The following PTPRT variants were observed in gnomAD, a reference collection of about 807,000 sequenced individuals.
PTPRT encodes receptor-type tyrosine-protein phosphatase T.
Under a neutral mutation model 176.8 loss-of-function variants are expected in PTPRT, and 56 were observed. The observed-to-expected ratio is 0.32, with a 90% CI of 0.26 to 0.40. The LOEUF (loss-of-function observed/expected upper bound fraction) is 0.40, where lower values mean the gene tolerates loss of function less well. PTPRT is among the 10% of genes least tolerant of loss of function. The pLI is 1.00. For synonymous variants in PTPRT, 783 were observed against 739.0 expected, an observed-to-expected ratio of 1.06 and a Z score of -0.96; for missense variants, 1,540 against 1,908.2, an observed-to-expected ratio of 0.81 and a Z score of 3.60.
rs2014229531 is a variant in PTPRT, at chr20:43,148,119, T to C, written c.88+41527A>G. Reference sequence around the variant, plus strand: ...ATTTCCATACCCTGGGCTGGTTGGGTGGGGGGATCTGCCTCCATGTTTAAC... The same window carrying C: ...ATTTCCATACCCTGGGCTGGTTGGGCGGGGGGATCTGCCTCCATGTTTAAC... On this transcript the variant is annotated intron_variant, in intron 1 of 30. Coordinates refer to ENST00000373187, the MANE Select transcript of PTPRT (RefSeq NM_007050.6). 5.3e-5 allele frequency among the ~76,000 whole-genome samples: 8 copies of C among 152,144 alleles called. No homozygotes were observed. The South Asian group carries it at 1.0e-3, about 20-fold the overall frequency.
chr20:42,654,140 T>C (rs925535216), intron 7 of PTPRT, among the ~76,000 whole-genome samples: 6 of 152,022 alleles, frequency 3.9e-5, no homozygotes, highest in African/African-American at 1.4e-4. Flanking sequence ...CCATGGAAAC[T>C]ATGTAAACTG....
chr20:42,749,653 G>A (rs2076742233), intron 6 of PTPRT, among the ~76,000 whole-genome samples: 1 of 152,210 alleles, frequency 6.6e-6, no homozygotes, highest in Non-Finnish European at 1.5e-5. Context: ...GATTAGGGAG[G>A]TAGTGTGGCA....
At chr20:42,474,739 A>C (rs2071258452) in intron 7 of PTPRT, among the ~76,000 whole-genome samples, 2 of 152,214 alleles carry the variant, frequency 1.3e-5, no homozygotes, top group African/African-American at 4.8e-5. Context: ...ATGTACAGGC[A>C]CACAGAGAGC....
In PTPRT at chr20:42,072,981, A is replaced by C. The variant is rs1236570828; in HGVS notation, c.*7898T>G. ...CTGAGCTAGAATTGAAAAGAAAAAA[A>C]AAACATTGACAGCACAGTGCTGGCT... On this transcript the variant is annotated 3_prime_UTR_variant, in exon 31 of 31. Transcript: ENST00000373187. The C allele has an allele frequency of 4.4e-6, 1 of 224,788 alleles. No homozygotes were observed. The highest frequency in any genetic ancestry group is 2.2e-5 in the African/African-American group (1 of 44,842). 13.9% of individuals were successfully genotyped at this position (224,788 alleles called of 1,614,324 possible). A position where few individuals can be genotyped will look rare whatever the true frequency, so the allele number is the denominator to read the frequency against.
chr20:42,544,731 C>A (rs1441722734), intron 7 of PTPRT, among the ~76,000 whole-genome samples: 3 of 152,230 alleles, frequency 2.0e-5, no homozygotes, highest in African/African-American at 7.2e-5. Context: ...CAAGTAAGAT[C>A]ACATGGTCTT....
chr20:42,358,450 G>A lies in PTPRT; in HGVS notation c.1561-6165C>T, dbSNP rs116703522. ...ATAGGTATGGCCCACAGGAATAAGC[G>A]GGCAAGGCACATTAAGAGCTCTGTT... On this transcript the variant is annotated intron_variant, in intron 9 of 30. Transcript: ENST00000373187. Among the ~76,000 whole-genome samples, 1,436 of 152,264 alleles carry A rather than the reference G, an allele frequency of 9.4e-3. 21 individuals carry two copies. Among genetic ancestry groups the A allele is most frequent in the African/African-American group, 0.033 (1,387 of 41,540 alleles).
At chr20:42,352,780 A>G (rs2058304597) in intron 9 of PTPRT, among the ~76,000 whole-genome samples, 2 of 152,198 alleles carry the variant, frequency 1.3e-5, no homozygotes, top group Admixed American at 6.5e-5. Flanking sequence ...CCATCTATCG[A>G]GATATGATTA....
chr20:43,148,886 A>G (rs111783381), intron 1 of PTPRT, among the ~76,000 whole-genome samples: 2,727 of 152,316 alleles, frequency 0.018, 75 homozygotes, highest in African/African-American at 0.061. Context: ...ATTGCAAAAC[A>G]TCAGTAGTAT....
At chr20:42,607,113 T>A (rs543028642) in intron 7 of PTPRT, among the ~76,000 whole-genome samples, 1 of 152,218 alleles carries the variant, frequency 6.6e-6, no homozygotes, top group Non-Finnish European at 1.5e-5. Context: ...TATATAATTC[T>A]ACTTACATGA....
intron 14 of PTPRT, among the ~76,000 whole-genome samples, chr20:42,244,754 A>T (rs1321139196): frequency 6.6e-6 from 1 of 152,252 alleles, no homozygotes; most frequent in Non-Finnish European, 1.5e-5. Flanking sequence ...CTCCACAAAC[A>T]AACATTGAAT....
chr20:42,887,845 T>C (rs2079126992), intron 1 of PTPRT, among the ~76,000 whole-genome samples: 1 of 152,144 alleles, frequency 6.6e-6, no homozygotes, highest in African/African-American at 2.4e-5. Context: ...TAATCCCCAA[T>C]GTAATAGTAT....
At chr20:42,536,786 G>A (rs549109796) in intron 7 of PTPRT, among the ~76,000 whole-genome samples, 39 of 152,288 alleles carry the variant, frequency 2.6e-4, no homozygotes, top group Non-Finnish European at 2.8e-4. Context: ...TGTCAAAAAA[G>A]ATAGAGGAAA....
chr20:42,833,964 A>G (rs1245195718), intron 2 of PTPRT, among the ~76,000 whole-genome samples: 1 of 152,222 alleles, frequency 6.6e-6, no homozygotes, highest in South Asian at 2.1e-4. Context: ...AAATTGTTAA[A>G]TAAGACACGT....
At chr20:42,611,891 G>A (rs927066165) in intron 7 of PTPRT, among the ~76,000 whole-genome samples, 6 of 152,098 alleles carry the variant, frequency 3.9e-5, no homozygotes, top group Admixed American at 3.3e-4. Flanking sequence ...AGCACATGAG[G>A]CTCTTGCCTG....
chr20:42,874,924 C>T (rs973864621), intron 2 of PTPRT, among the ~76,000 whole-genome samples: 3 of 152,082 alleles, frequency 2.0e-5, no homozygotes, highest in African/African-American at 4.8e-5. Context: ...GTTTTGCTTT[C>T]GTTGCTCAGG....
At chr20:42,778,422 A>G (rs980929) in intron 4 of PTPRT, among the ~76,000 whole-genome samples, 53,092 of 151,944 alleles carry the variant, frequency 0.35, 10,314 homozygotes, top group Non-Finnish European at 0.45. Flanking sequence ...GACTCATGCT[A>G]TTTTCCCTTG....
chr20:42,618,888 T>C (rs2145848941), intron 7 of PTPRT, among the ~76,000 whole-genome samples: 1 of 148,424 alleles, frequency 6.7e-6, no homozygotes, highest in Non-Finnish European at 1.5e-5. Context: ...TCTTGACTCT[T>C]TATCCAACTT....
chr20:42,705,731 C>T (rs139030031), intron 6 of PTPRT, among the ~76,000 whole-genome samples: 1 of 152,250 alleles, frequency 6.6e-6, no homozygotes, highest in African/African-American at 2.4e-5. Flanking sequence ...CTCATGGCAA[C>T]CTTGGCTTCT....
intron 8 of PTPRT, among the ~76,000 whole-genome samples, chr20:42,461,322 C>T (rs565263055): frequency 1.7e-3 from 259 of 151,942 alleles, no homozygotes; most frequent in Non-Finnish European, 3.2e-3. Flanking sequence ...AGTGAAACTC[C>T]GTCTCAAAAA....
Sources: gnomAD v4.1 joint callset for allele counts (sites outside exome capture counted in the v4.1 genomes callset) on GRCh38, gnomAD v4.1.1 for gene constraint, MANE v1.5 for transcripts, NCBI Gene and HGNC (gene_info 2026-07-23, HGNC 2026-07-21) for gene names.